The following ENOX1 variants were observed in gnomAD, a reference collection of about 807,000 sequenced individuals.
ENOX1 encodes the protein candidate growth-related and time keeping constitutive hydroquinone (NADH) oxidase.
ENOX1 carries 42 observed loss-of-function variants against 82.5 expected under a neutral mutation model. The ratio of observed to expected loss-of-function variants is 0.51; its 90% CI spans 0.40 to 0.66. The LOEUF is 0.66. Ranked by LOEUF, ENOX1 falls within the 30% of genes least tolerant of loss-of-function variation. The pLI is 0.00. For missense variants in ENOX1, 608 were observed against 811.6 expected, an observed-to-expected ratio of 0.75 and a Z score of 3.05; for synonymous variants, 271 against 282.2, an observed-to-expected ratio of 0.96 and a Z score of 0.40.
In ENOX1 at chr13:43,743,717, A is replaced by G. The variant is rs79563170; in HGVS notation, c.-285+42935T>C. The stretch of plus-strand genomic sequence containing the variant: ...ACGAAGATCTCTCTTTCTGCGTAAA[A>G]ATGGATGAATTTCTTCGGATTTAGC... On this transcript the variant is annotated intron_variant, in intron 1 of 16. Transcript: ENST00000690772. Among the ~76,000 whole-genome samples the G allele has an allele frequency of 5.1e-3, 782 of 152,340 alleles. 3 individuals carry two copies. The highest frequency in any genetic ancestry group is 9.3e-3 in the Non-Finnish European group (635 of 68,032).
intron 14 of ENOX1, among the ~76,000 whole-genome samples, chr13:43,257,087 G>A (rs1338802954): frequency 2.6e-5 from 4 of 152,158 alleles, no homozygotes; most frequent in Non-Finnish European, 5.9e-5. Flanking sequence ...GTTCTCACTC[G>A]TATGCGGGAG....
chr13:43,606,216 T>A (rs543368352), intron 2 of ENOX1, among the ~76,000 whole-genome samples: 31 of 152,214 alleles, frequency 2.0e-4, no homozygotes, highest in Non-Finnish European at 4.1e-4. Flanking sequence ...TTTAGGAATG[T>A]AAATTAGTAT....
chr13:43,230,954 G>A (rs12585644), intron 15 of ENOX1, among the ~76,000 whole-genome samples: 14 of 152,280 alleles, frequency 9.2e-5, no homozygotes, highest in African/African-American at 3.1e-4. Context: ...CAGGCTGCTT[G>A]GAGTTTTCAT....
chr13:43,378,097 C>T (rs750683069), intron 5 of ENOX1, among the ~76,000 whole-genome samples: 2 of 152,280 alleles, frequency 1.3e-5, no homozygotes, highest in Admixed American at 6.5e-5. Context: ...CCACCTGAAA[C>T]AACTAAAAAG....
chr13:43,743,885 T>C (rs921051490), intron 1 of ENOX1, among the ~76,000 whole-genome samples: 3 of 152,188 alleles, frequency 2.0e-5, no homozygotes, highest in Non-Finnish European at 4.4e-5. Context: ...GACTTCTTGC[T>C]ACATCAAAAC....
intron 2 of ENOX1, among the ~76,000 whole-genome samples, chr13:43,566,338 T>C (rs2079919659): frequency 6.6e-6 from 1 of 152,130 alleles, no homozygotes. Context: ...TCAATGAACT[T>C]GGTGACAAAT....
rs192372186 is a variant in ENOX1, at chr13:43,369,022, T to C, written c.209-7570A>G. On this transcript the variant is annotated intron_variant, in intron 5 of 16. Coordinates refer to ENST00000690772, the MANE Select transcript of ENOX1 (RefSeq NM_001347969.2). ...ACACTGCACTCACTAGCTCCTGACA[T>C]TGCCCATTCTTTTTTTTTTAACAGT... 2.5e-4 allele frequency among the ~76,000 whole-genome samples: 33 copies of C among 133,996 alleles called. No individual in the cohort carries two copies. The East Asian group carries it at 3.8e-3, about 15-fold the overall frequency. The allele number at this position is 133,996 out of a possible 152,430, so 87.9% of individuals were successfully genotyped here.
At chr13:43,745,451 A>T (rs1481044655) in intron 1 of ENOX1, among the ~76,000 whole-genome samples, 1 of 152,214 alleles carries the variant, frequency 6.6e-6, no homozygotes, top group African/African-American at 2.4e-5. Context: ...AAACGTTAGA[A>T]TTGTGGACAT....
At position 43,403,583 on chromosome 13, in the gene ENOX1, C is replaced by G. The variant is rs181593611; in HGVS notation, c.208+8333G>C. Among the ~76,000 whole-genome samples, 28 of 152,280 alleles carry G rather than the reference C, an allele frequency of 1.8e-4. No homozygotes were observed. In the East Asian group the frequency reaches 3.5e-3, roughly 19 times the overall value. ...ACAGGCTGGGTGCAGTGGCTCACACCTGTAATCCTACCACTTTGGGAGGCT... is the reference window on the plus strand; with the variant it reads ...ACAGGCTGGGTGCAGTGGCTCACACGTGTAATCCTACCACTTTGGGAGGCT... On this transcript the variant is annotated intron_variant, in intron 5 of 16. Transcript: ENST00000690772.
intron 3 of ENOX1, among the ~76,000 whole-genome samples, chr13:43,449,899 A>C (rs1014259078): frequency 6.6e-6 from 1 of 152,322 alleles, no homozygotes; most frequent in Non-Finnish European, 1.5e-5. Context: ...TATATACCAT[A>C]TTAAGAGGCC....
chr13:43,531,397 TG>T (rs1431941156), intron 2 of ENOX1, among the ~76,000 whole-genome samples: 1 of 151,740 alleles, frequency 6.6e-6, no homozygotes, highest in Non-Finnish European at 1.5e-5. Context: ...CCAGTTAGAA[TG>T]GTGATCATTA....
intron 2 of ENOX1, among the ~76,000 whole-genome samples, chr13:43,661,675 G>T (rs1311984030): frequency 6.6e-6 from 1 of 152,164 alleles, no homozygotes; most frequent in African/African-American, 2.4e-5. Flanking sequence ...CAGTAAAAAT[G>T]TGAGAGAACT....
At chr13:43,447,605 T>C (rs2056726090) in intron 3 of ENOX1, among the ~76,000 whole-genome samples, 2 of 151,988 alleles carry the variant, frequency 1.3e-5, no homozygotes, top group Non-Finnish European at 2.9e-5. Context: ...TTTTCACTCA[T>C]TCATATGCAA....
intron 2 of ENOX1, among the ~76,000 whole-genome samples, chr13:43,588,855 G>A (rs927405058): frequency 1.3e-5 from 2 of 152,156 alleles, no homozygotes; most frequent in Admixed American, 6.5e-5. Flanking sequence ...CAATGGAAGC[G>A]ATTTAGATAT....
chr13:43,621,658 G>A (rs2082737120), intron 2 of ENOX1, among the ~76,000 whole-genome samples: 1 of 152,116 alleles, frequency 6.6e-6, no homozygotes, highest in South Asian at 2.1e-4. Flanking sequence ...TAGGTTACCT[G>A]GTGCTCCTGT....
intron 8 of ENOX1, among the ~76,000 whole-genome samples, chr13:43,348,518 T>C (rs1397336908): frequency 3.3e-5 from 5 of 152,174 alleles, no homozygotes; most frequent in Admixed American, 1.3e-4. Context: ...AGACCGAAAA[T>C]AGTAAATGCA....
chr13:43,239,351 G>A (rs920602397), intron 14 of ENOX1, among the ~76,000 whole-genome samples: 1 of 152,156 alleles, frequency 6.6e-6, no homozygotes, highest in African/African-American at 2.4e-5. Flanking sequence ...ACATCTGTGA[G>A]TTTTGTCCAG....
chr13:43,300,574 G>A (rs2046515473), intron 11 of ENOX1, among the ~76,000 whole-genome samples: 1 of 152,188 alleles, frequency 6.6e-6, no homozygotes, highest in Admixed American at 6.5e-5. Flanking sequence ...GAACACTTGG[G>A]GCAAGAAGGA....
At position 43,232,139 on chromosome 13, in the gene ENOX1, G is replaced by A. The variant is rs375030890; in HGVS notation, c.1714+4497C>T. Among the ~76,000 whole-genome samples the A allele has an allele frequency of 5.6e-5, 6 of 107,620 alleles. No homozygotes were observed. In the East Asian group the frequency reaches 1.2e-3, roughly 22 times the overall value. The allele number at this position is 107,620 out of a possible 152,430, so 70.6% of individuals were successfully genotyped here. ...GTAGAGATGGGAGTCTCACTATATT[G>A]CCTAGGCTGGTCTTGAACTCCTGAG... is the stretch of plus-strand genomic sequence containing the variant. On this transcript the variant is annotated intron_variant, in intron 15 of 16. Transcript: ENST00000690772.
Sources: gnomAD v4.1 joint callset for allele counts (sites outside exome capture counted in the v4.1 genomes callset) on GRCh38, gnomAD v4.1.1 for gene constraint, MANE v1.5 for transcripts, NCBI Gene and HGNC (gene_info 2026-07-23, HGNC 2026-07-21) for gene names.